ASIC2: variants seen among roughly 807,000 people sequenced by gnomAD.
ASIC2 encodes the protein acid-sensing ion channel 2.
In ASIC2, 25 loss-of-function variants were observed where a neutral mutation model predicts 57.3. That is an observed-to-expected ratio of 0.44 (90% confidence interval 0.32 to 0.61). ASIC2 has a LOEUF of 0.61. Ranked by LOEUF, ASIC2 falls within the 20% of genes least tolerant of loss-of-function variation. The pLI, the probability that ASIC2 is intolerant of heterozygous loss-of-function variation, is 0.06. For missense variants in ASIC2, 641 were observed against 738.1 expected (o/e 0.87, Z 1.52); for synonymous variants, 319 against 307.5 (o/e 1.04, Z -0.39).
chr17:33,829,453 T>C lies in ASIC2; in HGVS notation c.555+326525A>G, dbSNP rs564147006. Among the ~76,000 whole-genome samples, 20 of 152,270 alleles carry C rather than the reference T, an allele frequency of 1.3e-4. 1 individual carries two copies. In the South Asian group the frequency reaches 4.1e-3, roughly 32 times the overall value. ...GCTGATATTGTTGTGGATAGTCACC[T>C]GGGGGAGAGCAGAAAGTGACAGCTG... is the stretch of plus-strand genomic sequence containing the variant. On this transcript the variant is annotated intron_variant, in intron 1 of 9. Coordinates refer to the ASIC2 transcript ENST00000359872.
chr17:33,428,507 G>A (rs1911293813), intron 1 of ASIC2, among the ~76,000 whole-genome samples: 1 of 151,998 alleles, frequency 6.6e-6, no homozygotes, highest in Non-Finnish European at 1.5e-5. Context: ...GTGTGGATCA[G>A]AGCCCAGGGT....
At chr17:33,531,139 G>A (rs1451995199) in intron 1 of ASIC2, among the ~76,000 whole-genome samples, 2 of 151,844 alleles carry the variant, frequency 1.3e-5, no homozygotes, top group African/African-American at 4.8e-5. Context: ...TGTGATTCAG[G>A]CCTCGATCAG....
At chr17:33,834,462 G>A (rs1221987485) in intron 1 of ASIC2, 1 of 152,216 alleles carries the variant, frequency 6.6e-6, no homozygotes, top group Non-Finnish European at 1.5e-5. Context: ...GTAATAGATA[G>A]TTTTTGTCTC....
chr17:33,499,218 A>G (rs1359659087), intron 1 of ASIC2, among the ~76,000 whole-genome samples: 1 of 152,372 alleles, frequency 6.6e-6, no homozygotes, highest in African/African-American at 2.4e-5. Flanking sequence ...AAGCAGCTCC[A>G]GGCTGAAGCA....
chr17:33,044,281 T>TCCATCCATCCATCCATCCATCCAA (rs1479718362), intron 3 of ASIC2, among the ~76,000 whole-genome samples: 1 of 151,636 alleles, frequency 6.6e-6, no homozygotes, highest in Non-Finnish European at 1.5e-5. Flanking sequence ...CATCCATCCA[T>TCCATCCATCCATCCATCCATCCAA]CCATCCATCC....
At chr17:33,810,527 C>T (rs1224080046) in intron 1 of ASIC2, among the ~76,000 whole-genome samples, 1 of 152,114 alleles carries the variant, frequency 6.6e-6, no homozygotes, top group African/African-American at 2.4e-5. Flanking sequence ...TTTATATCTG[C>T]CCATCTCCCT....
intron 1 of ASIC2, among the ~76,000 whole-genome samples, chr17:34,085,433 G>T (rs192696807): frequency 1.3e-5 from 2 of 152,230 alleles, no homozygotes; most frequent in East Asian, 3.9e-4. Context: ...TGCTGGATTC[G>T]GTTTGCCAGT....
chr17:33,656,676 A>G (rs940928128), intron 1 of ASIC2, among the ~76,000 whole-genome samples: 1 of 152,164 alleles, frequency 6.6e-6, no homozygotes, highest in African/African-American at 2.4e-5. Context: ...GGAACCTCCA[A>G]GCCTGTGTCT....
chr17:34,004,706 A>C (rs1291595473), intron 1 of ASIC2: 2 of 152,240 alleles, frequency 1.3e-5, no homozygotes, highest in African/African-American at 4.8e-5. Flanking sequence ...AAACCATTGC[A>C]GAGTAAATAT....
rs189396079 is a variant in ASIC2, at chr17:33,542,074, A to C, written c.556-430007T>G. 7.9e-5 allele frequency among the ~76,000 whole-genome samples: 12 copies of C among 152,352 alleles called. No individual in the cohort carries two copies. In the East Asian group the frequency reaches 1.9e-3, roughly 25 times the overall value. The stretch of plus-strand genomic sequence containing the variant: ...TACACTCTCTGTTGTATACTTAAAT[A>C]CTTGACTCCTTTGGTTGTGTGTGTA... On this transcript the variant is annotated intron_variant, in intron 1 of 9. Transcript: ENST00000359872.
chr17:33,840,114 G>T (rs190437209), intron 1 of ASIC2, among the ~76,000 whole-genome samples: 25 of 152,260 alleles, frequency 1.6e-4, no homozygotes, highest in African/African-American at 6.0e-4. Flanking sequence ...TGGTTTTCCT[G>T]ACTAGTTTCT....
chr17:33,661,721 TCA>T (rs1238682946), intron 1 of ASIC2, among the ~76,000 whole-genome samples: 1 of 152,232 alleles, frequency 6.6e-6, no homozygotes, highest in Non-Finnish European at 1.5e-5. Flanking sequence ...TGCAACCTAG[TCA>T]TGCTGTTTGA....
intron 1 of ASIC2, among the ~76,000 whole-genome samples, chr17:33,318,228 T>G (rs1906734334): frequency 6.6e-6 from 1 of 152,166 alleles, no homozygotes; most frequent in South Asian, 2.1e-4. Flanking sequence ...ACATGCTCTT[T>G]GGGTTTCCAG....
intron 1 of ASIC2, among the ~76,000 whole-genome samples, chr17:33,892,885 T>C (rs2141948426): frequency 6.6e-6 from 1 of 152,196 alleles, no homozygotes; most frequent in Non-Finnish European, 1.5e-5. Flanking sequence ...CAAGGGAGCA[T>C]AGCCAGCTCC....
At chr17:33,678,906 C>G (rs1214485922) in intron 1 of ASIC2, among the ~76,000 whole-genome samples, 1 of 152,162 alleles carries the variant, frequency 6.6e-6, no homozygotes, top group African/African-American at 2.4e-5. Flanking sequence ...CTCCATTTAA[C>G]AGATGGGAAA....
At chr17:33,908,535 C>T (rs1042243102) in intron 1 of ASIC2, among the ~76,000 whole-genome samples, 1 of 152,184 alleles carries the variant, frequency 6.6e-6, no homozygotes, top group African/African-American at 2.4e-5. Flanking sequence ...TTGATAACAG[C>T]GTCTCAGTTC....
At chr17:33,390,610 T>C (rs1286146431) in intron 1 of ASIC2, among the ~76,000 whole-genome samples, 7 of 152,156 alleles carry the variant, frequency 4.6e-5, no homozygotes, top group Admixed American at 2.0e-4. Flanking sequence ...ACATGGGACT[T>C]CTGTGGTTGT....
intron 1 of ASIC2, among the ~76,000 whole-genome samples, chr17:33,467,673 C>A (rs1158995424): frequency 6.6e-6 from 1 of 152,206 alleles, no homozygotes; most frequent in African/African-American, 2.4e-5. Context: ...ATTTCTTTCT[C>A]TTGATTCTAA....
intron 1 of ASIC2, among the ~76,000 whole-genome samples, chr17:33,308,010 C>T (rs1471186922): frequency 1.3e-5 from 2 of 152,168 alleles, no homozygotes; most frequent in Non-Finnish European, 2.9e-5. Flanking sequence ...GCCATAGGTT[C>T]TGCTGTGCTA....
Sources: gnomAD v4.1 joint callset for allele counts (sites outside exome capture counted in the v4.1 genomes callset) on GRCh38, gnomAD v4.1.1 for gene constraint, MANE v1.5 for transcripts, NCBI Gene and HGNC (gene_info 2026-07-23, HGNC 2026-07-21) for gene names.